Variants in RAB4A observed in about 807,000 individuals in gnomAD.
The protein encoded by RAB4A is RAB4A, member RAS oncogene family, also known as ras-related protein Rab-4A.
In RAB4A, 20 loss-of-function variants were observed where a neutral mutation model predicts 34.5. The ratio of observed to expected loss-of-function variants is 0.58; its 90% CI spans 0.41 to 0.84. RAB4A has a LOEUF of 0.84. Ranked by LOEUF, RAB4A falls within the 40% of genes least tolerant of loss-of-function variation. The pLI is 0.00. For synonymous variants in RAB4A, 102 were observed against 100.0 expected (o/e 1.02, Z -0.12); for missense variants, 228 against 274.5 (o/e 0.83, Z 1.20).
At chr1:229,288,997 G>A in intron 3 of RAB4A, 154 bp downstream of exon 3, 1 of 615,686 alleles carries the variant, frequency 1.6e-6, no homozygotes, top group South Asian at 2.0e-5. Flanking sequence ...TGATTGACAA[G>A]ACAGCTAAAA....
At chr1:229,284,178 C>T (rs1210044654) in intron 1 of RAB4A, among the ~76,000 whole-genome samples, 1 of 135,998 alleles carries the variant, frequency 7.4e-6, no homozygotes, top group Admixed American at 8.0e-5. Flanking sequence ...TGGCCCATTG[C>T]AACCTCCACC....
chr1:229,300,041 G>A (rs185663038), intron 6 of RAB4A, among the ~76,000 whole-genome samples: 55 of 152,308 alleles, frequency 3.6e-4, no homozygotes, highest in African/African-American at 1.3e-3. Context: ...CCTCATCAAG[G>A]ATCTAGAACT....
chr1:229,274,562 G>A (rs1393910958), intron 1 of RAB4A, among the ~76,000 whole-genome samples: 1 of 152,140 alleles, frequency 6.6e-6, no homozygotes, highest in Non-Finnish European at 1.5e-5. Flanking sequence ...GAAACCCTTA[G>A]TCTGAATATG....
At chr1:229,298,471 G>T (rs1657300319) in intron 5 of RAB4A, among the ~76,000 whole-genome samples, 1 of 152,184 alleles carries the variant, frequency 6.6e-6, no homozygotes. Flanking sequence ...AGCAGAACAG[G>T]CCTTTCTGCT....
At chr1:229,296,745 G>T (rs1657260290) in intron 4 of RAB4A, among the ~76,000 whole-genome samples, 1 of 152,212 alleles carries the variant, frequency 6.6e-6, no homozygotes, top group African/African-American at 2.4e-5. Flanking sequence ...TGTCCCGGGA[G>T]CCAGGCGTTC....
At chr1:229,300,566 G>A (rs1007251727) in intron 6 of RAB4A, among the ~76,000 whole-genome samples, 1 of 152,190 alleles carries the variant, frequency 6.6e-6, no homozygotes, top group East Asian at 1.9e-4. Context: ...AGCAGGGGAG[G>A]AGGAACCAAG....
At chr1:229,275,176 T>C (rs1656607042) in intron 1 of RAB4A, among the ~76,000 whole-genome samples, 1 of 152,218 alleles carries the variant, frequency 6.6e-6, no homozygotes. Flanking sequence ...GTCATCGTAC[T>C]GAATTATGGT....
chr1:229,302,284 TATATATA>T (rs1657414460), intron 6 of RAB4A, among the ~76,000 whole-genome samples: 8 of 20,910 alleles, frequency 3.8e-4, no homozygotes, highest in African/African-American at 1.6e-3. Context: ...TATATATATA[TATATATA>T]TATATATATA....
chr1:229,290,639 A>G (rs1470187639), intron 3 of RAB4A, among the ~76,000 whole-genome samples: 3 of 152,246 alleles, frequency 2.0e-5, no homozygotes, highest in Admixed American at 6.5e-5. Context: ...AGAGAGCTCA[A>G]AGTAAAGAAG....
intron 6 of RAB4A, among the ~76,000 whole-genome samples, chr1:229,302,299 A>G (rs1418436098): frequency 5.3e-5 from 2 of 37,616 alleles, no homozygotes; most frequent in Non-Finnish European, 9.6e-5. Context: ...ATATATATAT[A>G]TATATATATA....
At chr1:229,289,160 G>T in intron 3 of RAB4A, 1 of 199,032 alleles carries the variant, frequency 5.0e-6, no homozygotes, top group Non-Finnish European at 1.0e-5. Context: ...GCACAAGCTT[G>T]TTTTTCTGTG....
intron 6 of RAB4A, among the ~76,000 whole-genome samples, chr1:229,299,589 T>C (rs1408116599): frequency 6.6e-6 from 1 of 152,226 alleles, no homozygotes; most frequent in East Asian, 1.9e-4. Context: ...TATTTGCTTA[T>C]TAAAATAATT....
chr1:229,271,261 T>C lies in RAB4A; in HGVS notation c.-79T>C. 4 of 1,293,898 alleles carry C rather than the reference T, an allele frequency of 3.1e-6. No homozygotes were observed. Among genetic ancestry groups the C allele is most frequent in the South Asian group, 2.1e-5 (1 of 48,486 alleles). 80.2% of individuals were successfully genotyped at this position (1,293,898 alleles called of 1,614,324 possible). ...CCCTCCTCCGGTCCCCCGCCCCAGG[T>C]CCTTCCCCACCGAGACGCGCCGGCG... On this transcript the variant is annotated 5_prime_UTR_variant, in exon 1 of 8. Transcript: ENST00000366690.
At chr1:229,299,259 C>T (rs1029321353) in intron 6 of RAB4A, among the ~76,000 whole-genome samples, 187 bp downstream of exon 6, 9 of 152,314 alleles carry the variant, frequency 5.9e-5, no homozygotes, top group Middle Eastern at 3.4e-3. Flanking sequence ...CCATCCTTAT[C>T]AGGATGGTTT....
intron 3 of RAB4A, among the ~76,000 whole-genome samples, chr1:229,290,834 A>G (rs1394870173): frequency 6.6e-6 from 1 of 152,214 alleles, no homozygotes; most frequent in Non-Finnish European, 1.5e-5. Flanking sequence ...TCCAGAATTA[A>G]TCCAGAAGAT....
Position 229,302,952 on chromosome 1 carries a change from C to A in RAB4A, c.632C>A (p.Pro211Gln). Residue 211 changes from proline to glutamine, a missense_variant, in exon 7 of 8, where the codon CCG becomes CAG. Transcript: ENST00000366690. ...AGGTCACCGCGGCGCGCACAGGCCCCGAACGCTCAGGAGTGTGGTTGTTAG... is the reference window on the plus strand; with the variant it reads ...AGGTCACCGCGGCGCGCACAGGCCCAGAACGCTCAGGAGTGTGGTTGTTAG... ...QLRSPRRAQA[P>Q]NAQECGC The A allele has an allele frequency of 6.2e-7, 1 of 1,613,882 alleles. No individual in the cohort carries two copies. Among genetic ancestry groups the A allele is most frequent in the Non-Finnish European group, 8.5e-7 (1 of 1,179,880 alleles).
chr1:229,284,405 A>G (rs1000761902), intron 1 of RAB4A, among the ~76,000 whole-genome samples: 13 of 151,906 alleles, frequency 8.6e-5, no homozygotes, highest in Non-Finnish European at 1.3e-4. Context: ...ATCCTTTTCT[A>G]GGGTTTTTAG....
chr1:229,302,488 TG>T (rs925813190), intron 6 of RAB4A, among the ~76,000 whole-genome samples: 7 of 149,670 alleles, frequency 4.7e-5, no homozygotes, highest in Non-Finnish European at 1.0e-4. Context: ...TCATCATACT[TG>T]GACTTTTGGC....
chr1:229,293,077 C>T (rs939586777), intron 3 of RAB4A, among the ~76,000 whole-genome samples: 1 of 152,170 alleles, frequency 6.6e-6, no homozygotes, highest in Non-Finnish European at 1.5e-5. Context: ...TCACACAACT[C>T]AGGAAAAACA....
Sources: allele counts gnomAD v4.1 joint callset (sites outside exome capture counted in the v4.1 genomes callset), GRCh38; gene constraint gnomAD v4.1.1; transcripts MANE v1.5; gene names NCBI Gene and HGNC (gene_info 2026-07-23, HGNC 2026-07-21).